The following CAND1 variants were observed in gnomAD, a reference collection of about 807,000 sequenced individuals.
CAND1 encodes cullin associated and neddylation dissociated 1, also known as cullin-associated NEDD8-dissociated protein 1.
In CAND1, 7 loss-of-function variants were observed where a neutral mutation model predicts 108.5. The ratio of observed to expected loss-of-function variants is 0.06; its 90% CI spans 0.04 to 0.12. The LOEUF is 0.12. Ranked by LOEUF, CAND1 falls within the 10% of genes least tolerant of loss-of-function variation. The pLI is 1.00. For missense variants in CAND1, 941 were observed against 1,448.7 expected, an observed-to-expected ratio of 0.65 and a Z score of 5.69; for synonymous variants, 534 against 512.0, an observed-to-expected ratio of 1.04 and a Z score of -0.58.
intron 2 of CAND1, among the ~76,000 whole-genome samples, chr12:67,287,596 CT>C (rs958075129): frequency 4.8e-4 from 73 of 150,830 alleles, no homozygotes; most frequent in Non-Finnish European, 6.8e-4. Context: ...ATTTGTGTTC[CT>C]TTTTTTTTAA....
chr12:67,295,012 A>G (rs2044755897), intron 3 of CAND1, 21 bp from the exon 4 acceptor site: 2 of 1,602,598 alleles, frequency 1.2e-6, no homozygotes, highest in Non-Finnish European at 1.7e-6. Flanking sequence ...TGAAATTATT[A>G]TTGGCTTCTT....
chr12:67,301,229 C>T (rs915134251), intron 7 of CAND1, among the ~76,000 whole-genome samples: 4 of 151,952 alleles, frequency 2.6e-5, no homozygotes, highest in Non-Finnish European at 5.9e-5. Flanking sequence ...CTGTAATGTG[C>T]TAAGGTGAAT....
chr12:67,292,967 AT>A (rs2044735856), intron 3 of CAND1, 191 bp downstream of exon 3: 1 of 530,084 alleles, frequency 1.9e-6, no homozygotes, highest in Non-Finnish European at 3.3e-6. Flanking sequence ...TTAAATGAAT[AT>A]TTTGATTGAA....
intron 4 of CAND1, 156 bp from the exon 5 acceptor site, chr12:67,297,251 A>C: frequency 2.7e-6 from 2 of 747,864 alleles, no homozygotes; most frequent in Non-Finnish European, 4.7e-6. Flanking sequence ...GCATTGGTAG[A>C]TAAAGTGATA....
At chr12:67,291,425 A>G (rs1592612548) in intron 2 of CAND1, among the ~76,000 whole-genome samples, 1 of 152,178 alleles carries the variant, frequency 6.6e-6, no homozygotes, top group South Asian at 2.1e-4. Context: ...GGTAATAGAA[A>G]GAAAGGGTCA....
chr12:67,272,055 A>G (rs17103646), intron 1 of CAND1, among the ~76,000 whole-genome samples: 9,520 of 152,194 alleles, frequency 0.063, 358 homozygotes, highest in African/African-American at 0.087. Flanking sequence ...TTAGAAGTTT[A>G]TTTATTTTGG....
chr12:67,288,013 C>T (rs974938305), intron 2 of CAND1, among the ~76,000 whole-genome samples: 2 of 151,576 alleles, frequency 1.3e-5, no homozygotes, highest in African/African-American at 4.8e-5. Flanking sequence ...TGGTGTACCA[C>T]ATGGTAGGTC....
intron 2 of CAND1, among the ~76,000 whole-genome samples, chr12:67,287,782 G>A (rs1032810256): frequency 6.7e-6 from 1 of 148,612 alleles, no homozygotes; most frequent in Non-Finnish European, 1.5e-5. Context: ...TTTCCTCTAA[G>A]TATGTCTTTA....
chr12:67,307,607 T>A, intron 11 of CAND1, 115 bp downstream of exon 11: 1 of 671,516 alleles, frequency 1.5e-6, no homozygotes, highest in Non-Finnish European at 2.5e-6. Flanking sequence ...AATAATTGTT[T>A]AAAAGAAAAT....
intron 1 of CAND1, among the ~76,000 whole-genome samples, chr12:67,278,614 G>T (rs1343270674): frequency 6.6e-6 from 1 of 152,126 alleles, no homozygotes; most frequent in Admixed American, 6.5e-5. Context: ...TGTGTCCCAG[G>T]TTCAAGCGAT....
chr12:67,279,610 A>G (rs1301599489), intron 1 of CAND1, among the ~76,000 whole-genome samples: 1 of 152,144 alleles, frequency 6.6e-6, no homozygotes, highest in Non-Finnish European at 1.5e-5. Flanking sequence ...TTAACCATTA[A>G]TCATAGATTT....
rs2044864293 is a variant in CAND1, at chr12:67,305,013, G to A, written c.1436-91G>A. The A allele has an allele frequency of 2.9e-6, 3 of 1,049,860 alleles. No homozygotes were observed. The highest frequency in any genetic ancestry group is 2.5e-5 in the Admixed American group (1 of 39,670). The allele number at this position is 1,049,860 out of a possible 1,614,324, so 65.0% of individuals were successfully genotyped here. On this transcript the variant is annotated intron_variant, in intron 9 of 14. Transcript: ENST00000545606. The surrounding 1 kb of genome is among the most constrained non-coding windows in gnomAD (Gnocchi z 4.4). ...CTTATAGAAATAATATAATGAAGTG[G>A]GAACATTAGCAGTACTATAGGGGTT...
At chr12:67,280,486 A>C (rs1325813562) in intron 1 of CAND1, among the ~76,000 whole-genome samples, 1 of 152,212 alleles carries the variant, frequency 6.6e-6, no homozygotes, top group Non-Finnish European at 1.5e-5. Context: ...ATTTCTCTGT[A>C]GTGTACAAAA....
chr12:67,305,710 A>G lies in CAND1; in HGVS notation c.2042A>G (p.Tyr681Cys), dbSNP rs763299029. 7 of 1,614,180 alleles carry G rather than the reference A, an allele frequency of 4.3e-6. No individual in the cohort carries two copies. Among genetic ancestry groups the G allele is most frequent in the Non-Finnish European group, 5.1e-6 (6 of 1,180,008 alleles). Residue 681 changes from tyrosine to cysteine, a missense_variant, in exon 10 of 15, where the codon TAT becomes TGT. By Grantham distance (194) the Tyr-to-Cys change is radical (BLOSUM62 -2). Transcript: ENST00000545606. The surrounding 1 kb of genome is among the most constrained non-coding windows in gnomAD (Gnocchi z 4.4). ...LSALDILIKNYSDSLTAAMID... is the reference protein window; with the variant it reads ...LSALDILIKNCSDSLTAAMID... ...GCCCTTGATATTCTAATAAAAAACTATAGTGACAGCTTGACAGCTGCCATG... is the reference window on the plus strand; with the variant it reads ...GCCCTTGATATTCTAATAAAAAACTGTAGTGACAGCTTGACAGCTGCCATG...
chr12:67,312,661 C>G lies in CAND1; in HGVS notation c.3524C>G (p.Ser1175Cys), dbSNP rs1018512257. 2 of 1,612,714 alleles carry G rather than the reference C, an allele frequency of 1.2e-6. No homozygotes were observed. Among genetic ancestry groups the G allele is most frequent in the Admixed American group, 1.7e-5 (1 of 59,726 alleles). The change falls in exon 15 of 15, where the codon TCT (serine) becomes TGT (cysteine). Residue 1175 changes from serine (S) to cysteine (C), a missense_variant. Ser to Cys is a moderately radical substitution (Grantham distance 112, BLOSUM62 -1). Transcript: ENST00000545606. ...EFEKQDELKR[S>C]AMRAVAALLT... is the part of the protein sequence containing the mutation. ...GAAAAACAAGATGAATTAAAGCGAT[C>G]TGCCATGAGAGCAGTAGCAGCACTG...
chr12:67,303,314 C>A (rs1470753414), intron 8 of CAND1, among the ~76,000 whole-genome samples: 2 of 152,110 alleles, frequency 1.3e-5, no homozygotes, highest in African/African-American at 4.8e-5. Context: ...AGGGATTAAA[C>A]CAGTGGAGAG....
chr12:67,270,489 A>G (rs1243943443), intron 1 of CAND1: 1 of 152,192 alleles, frequency 6.6e-6, no homozygotes, highest in Non-Finnish European at 1.5e-5. Context: ...ATGTCCTCAT[A>G]TCCAAAATCA....
At chr12:67,311,870 T>A in intron 14 of CAND1, 70 bp downstream of exon 14, 1 of 883,972 alleles carries the variant, frequency 1.1e-6, no homozygotes, top group Non-Finnish European at 1.9e-6. Context: ...TTCTTTTCTC[T>A]AGCTTTCCAA....
In CAND1 at chr12:67,295,110, T is replaced by A. The variant is rs1419828200; in HGVS notation, c.445T>A (p.Ser149Thr). 6.2e-7 allele frequency: 1 copy of A among 1,613,070 alleles called. No individual in the cohort carries two copies. The highest frequency in any genetic ancestry group is 8.5e-7 in the Non-Finnish European group (1 of 1,179,256). ...TGCAATAGCAAAACAGGAAGATGTCTCTGTTCAGCTAGAAGCCTTGGATAT... is the reference window on the plus strand; with the variant it reads ...TGCAATAGCAAAACAGGAAGATGTCACTGTTCAGCTAGAAGCCTTGGATAT... ...TSAIAKQEDV[S>T]VQLEALDIMA... is the part of the protein sequence containing the mutation. Residue 149 changes from serine (S) to threonine (T), a missense_variant, in exon 4 of 15, where the codon TCT (serine) becomes ACT (threonine). Around this residue, in one of 9 missense-constraint regions of CAND1, gnomAD observed 697 missense variants for 942.0 expected, o/e 0.74. Transcript: ENST00000545606.
Sources: gnomAD v4.1 joint callset for allele counts (sites outside exome capture counted in the v4.1 genomes callset) on GRCh38, gnomAD v4.1.1 for gene constraint, gnomAD v4.1.1 regional missense constraint, Gnocchi (gnomAD v3.1) non-coding constraint, MANE v1.5 for transcripts, NCBI Gene and HGNC (gene_info 2026-07-23, HGNC 2026-07-21) for gene names.